Variants in CTHRC1 observed in about 807,000 individuals in gnomAD.
CTHRC1 encodes the protein collagen triple helix repeat-containing protein 1.
A neutral mutation model predicts 25.9 loss-of-function variants in CTHRC1; 21 were observed. The ratio of observed to expected loss-of-function variants is 0.81; its 90% CI spans 0.57 to 1.17. The LOEUF (loss-of-function observed/expected upper bound fraction) is 1.17, where lower values mean the gene tolerates loss of function less well. CTHRC1 is among the 50% of genes most tolerant of loss of function. The pLI, the probability that CTHRC1 is intolerant of heterozygous loss-of-function variation, is 0.00. For synonymous variants in CTHRC1, 109 were observed against 113.1 expected, an observed-to-expected ratio of 0.96 and a Z score of 0.23; for missense variants, 281 against 304.3, an observed-to-expected ratio of 0.92 and a Z score of 0.57.
chr8:103,371,789 AG>A lies in CTHRC1; in HGVS notation c.136del (p.Glu46ArgfsTer49), dbSNP rs1815708713. 6.5e-7 allele frequency: 1 copy of A among 1,531,976 alleles called. No homozygotes were observed. The highest frequency in any genetic ancestry group is 1.4e-5 in the African/African-American group (1 of 70,602). 94.9% of individuals were successfully genotyped at this position (1,531,976 alleles called of 1,614,324 possible). Reference protein sequence around the residue: ...KGKQKAQLRQREVVDLYNGMC... With the variant: ...KGKQKAQLRQXEVVDLYNGMC... ...GAAGCAAAAGGCGCAGCTCCGGCAG[AG>A]GGAGGTGGTGGACCTGGTGAGTCCG... is the stretch of plus-strand genomic sequence containing the variant. On this transcript the variant is annotated frameshift_variant, in exon 1 of 4. Coordinates refer to ENST00000330295, the MANE Select transcript of CTHRC1 (RefSeq NM_138455.4). LOFTEE classifies it high-confidence loss of function.
intron 1 of CTHRC1, among the ~76,000 whole-genome samples, chr8:103,375,057 T>A (rs1322842507): frequency 6.6e-6 from 1 of 152,154 alleles, no homozygotes; most frequent in African/African-American, 2.4e-5. Flanking sequence ...ACTGGGTCAC[T>A]TACTGCTTCT....
At chr8:103,373,331 A>G (rs956007134) in intron 1 of CTHRC1, among the ~76,000 whole-genome samples, 6 of 152,096 alleles carry the variant, frequency 3.9e-5, no homozygotes, top group Non-Finnish European at 8.8e-5. Context: ...CTATAAAGCA[A>G]CTTCTTTGTA....
chr8:103,381,145 G>A (rs1473670718), intron 3 of CTHRC1, among the ~76,000 whole-genome samples: 3 of 151,536 alleles, frequency 2.0e-5, no homozygotes, highest in African/African-American at 4.9e-5. Context: ...TGTGCATAAC[G>A]TGCAGGTTTG....
Position 103,371,780 on chromosome 8 carries a change from C to T in CTHRC1, c.124C>T (p.Leu42Phe). 7 of 1,533,998 alleles carry T rather than the reference C, an allele frequency of 4.6e-6. No individual in the cohort carries two copies. Among genetic ancestry groups the T allele is most frequent in the East Asian group, 2.5e-5 (1 of 39,360 alleles). ...CCCCAAGGGGAAGCAAAAGGCGCAGCTCCGGCAGAGGGAGGTGGTGGACCT... is the reference window on the plus strand; with the variant it reads ...CCCCAAGGGGAAGCAAAAGGCGCAGTTCCGGCAGAGGGAGGTGGTGGACCT... ...EIPKGKQKAQ[L>F]RQREVVDLYN... Residue 42 changes from leucine to phenylalanine, a missense_variant, in exon 1 of 4, where the codon CTC becomes TTC. Physicochemically the swap from Leu to Phe is conservative, Grantham distance 22. Transcript: ENST00000330295.
At chr8:103,379,940 C>T (rs950207120) in intron 3 of CTHRC1, among the ~76,000 whole-genome samples, 5 of 152,154 alleles carry the variant, frequency 3.3e-5, no homozygotes, top group African/African-American at 4.8e-5. Flanking sequence ...GGAAATACAG[C>T]GTCTTACACG....
At position 103,382,662 on chromosome 8, in the gene CTHRC1, G is replaced by T. The variant is rs778471255; in HGVS notation, c.*62G>T. On this transcript the variant is annotated 3_prime_UTR_variant, in exon 4 of 4. Transcript: ENST00000330295. ...ATGCCTTGGAATGGTTCACTTAAAT[G>T]ACATTTTAAATAAGTTTATGTATAC... The T allele has an allele frequency of 7.1e-7, 1 of 1,405,726 alleles. No individual in the cohort carries two copies. The highest frequency in any genetic ancestry group is 1.2e-5 in the South Asian group (1 of 86,430). 87.1% of individuals were successfully genotyped at this position (1,405,726 alleles called of 1,614,324 possible).
chr8:103,378,271 G>A (rs1321976185), intron 3 of CTHRC1, 28 bp downstream of exon 3: 6 of 1,561,324 alleles, frequency 3.8e-6, no homozygotes, highest in Non-Finnish European at 5.3e-6. Context: ...ATTGCAAGAT[G>A]TGCCTCAGAT....
chr8:103,375,984 G>C, intron 2 of CTHRC1, 25 bp downstream of exon 2: 1 of 1,559,680 alleles, frequency 6.4e-7, no homozygotes, highest in Non-Finnish European at 8.8e-7. Flanking sequence ...TTTTAAAATT[G>C]AAGCAAGATT....
At chr8:103,377,513 C>T (rs117447275) in intron 2 of CTHRC1, among the ~76,000 whole-genome samples, 2,901 of 152,274 alleles carry the variant, frequency 0.019, 37 homozygotes, top group Middle Eastern at 0.027. Context: ...GAGAAAGCTG[C>T]AATTTGATTT....
intron 1 of CTHRC1, chr8:103,372,608 G>GA: frequency 6.3e-7 from 1 of 1,598,296 alleles, no homozygotes; most frequent in Non-Finnish European, 8.5e-7. Context: ...CAGTTTCCAG[G>GA]AAACTGGAAA....
intron 3 of CTHRC1, among the ~76,000 whole-genome samples, chr8:103,380,477 T>TA (rs1419053125): frequency 6.6e-6 from 1 of 152,210 alleles, no homozygotes; most frequent in Admixed American, 6.5e-5. Flanking sequence ...GGGGTGCACT[T>TA]ATAGTTAGCA....
At chr8:103,382,326 C>A in intron 3 of CTHRC1, 132 bp from the exon 4 acceptor site, 1 of 841,968 alleles carries the variant, frequency 1.2e-6, no homozygotes, top group Non-Finnish European at 1.9e-6. Flanking sequence ...AAAACCTTAT[C>A]AAGTATTAAA....
intron 1 of CTHRC1, chr8:103,372,519 C>T: frequency 6.3e-7 from 1 of 1,598,078 alleles, no homozygotes; most frequent in South Asian, 1.1e-5. Context: ...ACCAAATGGG[C>T]AGTCTGTCAT....
rs141428810 is a variant in CTHRC1 at position 103,378,231 on chromosome 8, C to A, written c.577C>A (p.Arg193Ser). The change falls in exon 3 of 4, where the codon CGC (arginine) becomes AGC (serine). Residue 193 changes from arginine (R) to serine (S), a missense_variant. Transcript: ENST00000330295. ...AATGAATTCAACAATTAATATTCAT[C>A]GCACTTCTTCTGGTATGTAAAATTG... ...PEMNSTINIH[R>S]TSSVEGLCEG... 3.1e-6 allele frequency: 5 copies of A among 1,611,624 alleles called. No individual in the cohort carries two copies. Among genetic ancestry groups the A allele is most frequent in the Non-Finnish European group, 4.2e-6 (5 of 1,178,948 alleles).
At chr8:103,372,272 G>A (rs1394935838) in intron 1 of CTHRC1, among the ~76,000 whole-genome samples, 1 of 152,186 alleles carries the variant, frequency 6.6e-6, no homozygotes, top group African/African-American at 2.4e-5. Flanking sequence ...TGTTGGGGCT[G>A]GTGGCCACGT....
At chr8:103,380,757 A>G (rs961367734) in intron 3 of CTHRC1, among the ~76,000 whole-genome samples, 17 of 152,270 alleles carry the variant, frequency 1.1e-4, no homozygotes, top group African/African-American at 4.1e-4. Context: ...CCGTAGGGGG[A>G]AGTGAACAAG....
intron 1 of CTHRC1, among the ~76,000 whole-genome samples, chr8:103,374,190 A>C (rs1187760281): frequency 6.6e-6 from 1 of 152,144 alleles, no homozygotes; most frequent in African/African-American, 2.4e-5. Context: ...CCAAAACTCA[A>C]ACTGGCGATG....
intron 1 of CTHRC1, chr8:103,372,519 C>CA (rs1343888320): frequency 6.3e-7 from 1 of 1,597,960 alleles, no homozygotes; most frequent in Admixed American, 1.7e-5. Context: ...ACCAAATGGG[C>CA]AGTCTGTCAT....
intron 1 of CTHRC1, among the ~76,000 whole-genome samples, chr8:103,374,368 T>C (rs1815767778): frequency 6.6e-6 from 1 of 152,236 alleles, no homozygotes; most frequent in African/African-American, 2.4e-5. Context: ...AATATAGTTA[T>C]ACAGAATAAT....
Sources: allele counts gnomAD v4.1 joint callset (sites outside exome capture counted in the v4.1 genomes callset), GRCh38; gene constraint gnomAD v4.1.1; transcripts MANE v1.5; gene names NCBI Gene and HGNC (gene_info 2026-07-23, HGNC 2026-07-21).